The following DNAH14 variants were observed in gnomAD, a reference collection of about 807,000 sequenced individuals.
DNAH14 encodes the protein dynein axonemal heavy chain 14, also known as axonemal beta dynein heavy chain 14.
Under a neutral mutation model 520.9 loss-of-function variants are expected in DNAH14, and 478 were observed. The ratio of observed to expected loss-of-function variants is 0.92; its 90% CI spans 0.85 to 0.99. DNAH14 has a LOEUF of 0.99. Ranked by LOEUF, DNAH14 falls within the 50% of genes least tolerant of loss-of-function variation. The pLI is 0.00. For synonymous variants in DNAH14, 1,581 were observed against 1,757.2 expected, an observed-to-expected ratio of 0.90 and a Z score of 2.51; for missense variants, 4,831 against 5,234.5, an observed-to-expected ratio of 0.92 and a Z score of 2.38.
At chr1:225,366,045 C>A (rs2095548990) in intron 76 of DNAH14, among the ~76,000 whole-genome samples, 1 of 151,956 alleles carries the variant, frequency 6.6e-6, no homozygotes, top group African/African-American at 2.4e-5. Flanking sequence ...ACATTCCATA[C>A]AAAATGGGCA....
chr1:225,063,676 T>G (rs2070472240), intron 17 of DNAH14, among the ~76,000 whole-genome samples: 1 of 152,104 alleles, frequency 6.6e-6, no homozygotes, highest in South Asian at 2.1e-4. Context: ...ATCTATCATA[T>G]GTGTAATTAT....
Position 225,214,915 on chromosome 1 carries a change from T to C in DNAH14, c.6439+7695T>C, listed in dbSNP as rs533161925. On this transcript the variant is annotated intron_variant, in intron 41 of 85. Transcript: ENST00000682510. ...TTTGTGTCTCTATCTCCTTCAGTTC[T>C]GCTCTGATCTTAGTTATTTCTTGCC... 4.6e-5 allele frequency among the ~76,000 whole-genome samples: 7 copies of C among 152,354 alleles called. No individual in the cohort carries two copies. In the South Asian group the frequency reaches 1.2e-3, roughly 27 times the overall value.
At chr1:225,214,014 T>C (rs1415547452) in intron 41 of DNAH14, among the ~76,000 whole-genome samples, 1 of 152,206 alleles carries the variant, frequency 6.6e-6, no homozygotes, top group Non-Finnish European at 1.5e-5. Context: ...TTCCAGTTTT[T>C]GCCCATTGAG....
chr1:225,145,885 A>G (rs1332163194), intron 30 of DNAH14, among the ~76,000 whole-genome samples: 1 of 152,198 alleles, frequency 6.6e-6, no homozygotes, highest in Non-Finnish European at 1.5e-5. Flanking sequence ...GTCTCTTACA[A>G]ATCTACTCAA....
chr1:225,224,905 T>C (rs1253262771), intron 41 of DNAH14, among the ~76,000 whole-genome samples: 1 of 152,178 alleles, frequency 6.6e-6, no homozygotes, highest in East Asian at 1.9e-4. Context: ...TTAAGTCCAC[T>C]CTCAAGCCCA....
chr1:225,239,557 G>A (rs2091842554), intron 42 of DNAH14, among the ~76,000 whole-genome samples: 1 of 152,206 alleles, frequency 6.6e-6, no homozygotes, highest in Admixed American at 6.5e-5. Context: ...AGTTGAAGGT[G>A]CTGACTTCTC....
intron 52 of DNAH14, among the ~76,000 whole-genome samples, chr1:225,274,500 G>C (rs914399750): frequency 2.6e-5 from 4 of 152,112 alleles, no homozygotes; most frequent in African/African-American, 9.7e-5. Flanking sequence ...GGCCGCATCT[G>C]TTATTTTTTG....
chr1:224,938,216 C>T (rs2059165354), intron 1 of DNAH14, among the ~76,000 whole-genome samples: 2 of 152,138 alleles, frequency 1.3e-5, no homozygotes, highest in South Asian at 4.1e-4. Context: ...AAGCCATAAG[C>T]TTCCACACAG....
intron 1 of DNAH14, among the ~76,000 whole-genome samples, chr1:224,943,856 G>A (rs1191823334): frequency 2.6e-5 from 4 of 152,206 alleles, no homozygotes. Context: ...TGTGGTCTGA[G>A]AGGTGGTTTG....
At chr1:225,387,202 A>C (rs141260332) in intron 81 of DNAH14, among the ~76,000 whole-genome samples, 1,589 of 151,916 alleles carry the variant, frequency 0.01, 24 homozygotes, top group Middle Eastern at 0.024. Flanking sequence ...ACACTTGGAC[A>C]CATGGTGGGG....
chr1:225,361,719 G>A (rs2095493837), intron 75 of DNAH14, among the ~76,000 whole-genome samples: 1 of 152,120 alleles, frequency 6.6e-6, no homozygotes, highest in Non-Finnish European at 1.5e-5. Context: ...TATTATTTTA[G>A]CAGTTTAAAA....
In DNAH14 at chr1:225,068,938, C is replaced by T. The variant is rs1430649077; in HGVS notation, c.2425-10269C>T. On this transcript the variant is annotated intron_variant, in intron 17 of 85. Coordinates refer to ENST00000682510, the MANE Select transcript of DNAH14 (RefSeq NM_001367479.1). Reference sequence around the variant, plus strand: ...TCTACTAAAAATACAAAAAATTAGCCGGGTGTAGTGGCGGGCGCCTGTAGT... The same window carrying T: ...TCTACTAAAAATACAAAAAATTAGCTGGGTGTAGTGGCGGGCGCCTGTAGT... Among the ~76,000 whole-genome samples the T allele has an allele frequency of 1.1e-3, 4 of 3,518 alleles. 2 individuals carry two copies. The highest frequency in any genetic ancestry group is 2.6e-3 in the Non-Finnish European group (2 of 776). 2.3% of individuals were successfully genotyped at this position (3,518 alleles called of 152,430 possible).
chr1:225,192,994 C>A, intron 38 of DNAH14, 83 bp downstream of exon 38: 1 of 1,014,046 alleles, frequency 9.9e-7, no homozygotes, highest in South Asian at 1.9e-5. Context: ...ATTAAAACAT[C>A]ATTAGACATC....
intron 1 of DNAH14, among the ~76,000 whole-genome samples, chr1:224,945,775 G>C (rs1293990178): frequency 6.6e-6 from 1 of 152,290 alleles, no homozygotes; most frequent in African/African-American, 2.4e-5. Flanking sequence ...TGTTTGCCTG[G>C]GTATCAGCAG....
chr1:225,128,241 T>G (rs1288292556), intron 27 of DNAH14, among the ~76,000 whole-genome samples: 1 of 151,854 alleles, frequency 6.6e-6, no homozygotes, highest in Non-Finnish European at 1.5e-5. Context: ...TTCCTGAATC[T>G]GAATGTTGGC....
chr1:225,131,299 G>A (rs1573368171), intron 27 of DNAH14, among the ~76,000 whole-genome samples: 1 of 152,178 alleles, frequency 6.6e-6, no homozygotes, highest in Admixed American at 6.5e-5. Flanking sequence ...CAACCCACAG[G>A]TCTCTGTGGG....
In DNAH14 at chr1:225,038,830, TG is replaced by T. The variant is rs2067196492; in HGVS notation, c.1488+8del. 6.8e-7 allele frequency: 1 copy of T among 1,472,460 alleles called. No individual in the cohort carries two copies. Among genetic ancestry groups the T allele is most frequent in the Non-Finnish European group, 9.0e-7 (1 of 1,112,378 alleles). 91.2% of individuals were successfully genotyped at this position (1,472,460 alleles called of 1,614,324 possible). On this transcript the variant is annotated splice_region_variant and intron_variant, in intron 12 of 85. Coordinates refer to ENST00000682510, the MANE Select transcript of DNAH14 (RefSeq NM_001367479.1). ...AGACACTGATATTAATGAGGTAAAA[TG>T]ATCTTTGAAAAATATAAACATAGAT...
rs576776740 is a variant in DNAH14 at position 224,970,147 on chromosome 1, G to A, written c.767+1273G>A. Among the ~76,000 whole-genome samples the A allele has an allele frequency of 7.4e-4, 113 of 152,252 alleles. 1 individual carries two copies. The highest frequency in any genetic ancestry group is 2.2e-3 in the Admixed American group (33 of 15,300). ...GGAACATCCCTGAGAAAGAGAATGCGTCCCTGAGGGTAGGCCTCTGAAATG... is the reference window on the plus strand; with the variant it reads ...GGAACATCCCTGAGAAAGAGAATGCATCCCTGAGGGTAGGCCTCTGAAATG... On this transcript the variant is annotated intron_variant, in intron 7 of 85. Coordinates refer to ENST00000682510, the MANE Select transcript of DNAH14 (RefSeq NM_001367479.1).
At chr1:225,391,720 G>T (rs1279889728) in intron 83 of DNAH14, among the ~76,000 whole-genome samples, 1 of 152,122 alleles carries the variant, frequency 6.6e-6, no homozygotes, top group Admixed American at 6.5e-5. Context: ...CACAGGGAGA[G>T]GAGCAGGCTG....
Sources: gnomAD v4.1 joint callset for allele counts (sites outside exome capture counted in the v4.1 genomes callset) on GRCh38, gnomAD v4.1.1 for gene constraint, MANE v1.5 for transcripts, NCBI Gene and HGNC (gene_info 2026-07-23, HGNC 2026-07-21) for gene names.